Variants in STXBP4 observed in about 807,000 individuals in gnomAD.
The protein encoded by STXBP4 is syntaxin binding protein 4, also known as syntaxin-binding protein 4.
In STXBP4, 55 loss-of-function variants were observed where a neutral mutation model predicts 76.1. That is an observed-to-expected ratio of 0.72 (90% CI 0.58 to 0.91). STXBP4 has a LOEUF of 0.91. Among genes scored for constraint, STXBP4 ranks in the 40% least tolerant of loss-of-function variants. The pLI is 0.00. For synonymous variants in STXBP4, 201 were observed against 220.2 expected (o/e 0.91, Z 0.77); for missense variants, 618 against 636.9 (o/e 0.97, Z 0.32).
At chr17:54,975,816 A>T (rs2077465457) in intron 1 of STXBP4, among the ~76,000 whole-genome samples, 1 of 151,832 alleles carries the variant, frequency 6.6e-6, no homozygotes, top group South Asian at 2.1e-4. Context: ...TAAACACCTC[A>T]AGTTTGTTTT....
chr17:55,181,590 C>G, the STXBP4 span, among the ~76,000 whole-genome samples: 1 of 152,172 alleles, frequency 6.6e-6, no homozygotes, highest in Non-Finnish European at 1.5e-5. Flanking sequence ...AATTAAATAG[C>G]ATCTGAAATG....
At chr17:55,139,933 A>G (rs1196540135) in intron 16 of STXBP4, among the ~76,000 whole-genome samples, 1 of 152,130 alleles carries the variant, frequency 6.6e-6, no homozygotes, top group Non-Finnish European at 1.5e-5. Context: ...AATTACAAAA[A>G]CATCATCCTT....
At chr17:55,011,248 T>C (rs1486974108) in intron 8 of STXBP4, among the ~76,000 whole-genome samples, 1 of 151,902 alleles carries the variant, frequency 6.6e-6, no homozygotes, top group Non-Finnish European at 1.5e-5. Context: ...TTTAATTTTT[T>C]TTAAATTTCT....
At chr17:55,054,435 G>T (rs1307862497) in intron 12 of STXBP4, among the ~76,000 whole-genome samples, 1 of 151,934 alleles carries the variant, frequency 6.6e-6, no homozygotes, top group Non-Finnish European at 1.5e-5. Context: ...GCTGCAGTGA[G>T]CTGAGACTAC....
chr17:55,078,219 T>C, intron 14 of STXBP4, 25 bp downstream of exon 14: 1 of 1,474,760 alleles, frequency 6.8e-7, no homozygotes, highest in Non-Finnish European at 9.4e-7. Flanking sequence ...TCTATTACAT[T>C]CATCTTTAAA....
chr17:55,112,368 T>A (rs2079730662), intron 16 of STXBP4, among the ~76,000 whole-genome samples: 1 of 152,196 alleles, frequency 6.6e-6, no homozygotes, highest in African/African-American at 2.4e-5. Flanking sequence ...GAAGGCAAGG[T>A]CCTCACTTGT....
intron 1 of STXBP4, among the ~76,000 whole-genome samples, chr17:54,975,690 T>C (rs1340867150): frequency 1.3e-5 from 2 of 152,142 alleles, no homozygotes; most frequent in Non-Finnish European, 2.9e-5. Flanking sequence ...AACTCCAAAC[T>C]TGCTACCATA....
the STXBP4 span, among the ~76,000 whole-genome samples, chr17:55,186,724 C>A: frequency 3.3e-5 from 5 of 152,164 alleles, no homozygotes; most frequent in Admixed American, 6.5e-5. Context: ...TACACAAGGT[C>A]TCTGTGATCT....
At chr17:55,036,711 C>T (rs1270548019) in intron 10 of STXBP4, among the ~76,000 whole-genome samples, 1 of 151,824 alleles carries the variant, frequency 6.6e-6, no homozygotes, top group East Asian at 1.9e-4. Flanking sequence ...ACCCTAAATT[C>T]AAGCAGGAGA....
intron 16 of STXBP4, among the ~76,000 whole-genome samples, chr17:55,100,798 C>T (rs2079553860): frequency 6.6e-6 from 1 of 152,178 alleles, no homozygotes; most frequent in African/African-American, 2.4e-5. Flanking sequence ...TACAATACAG[C>T]AAAGTCACAG....
intron 16 of STXBP4, among the ~76,000 whole-genome samples, chr17:55,124,184 T>G (rs1202671366): frequency 6.6e-6 from 1 of 152,014 alleles, no homozygotes; most frequent in African/African-American, 2.4e-5. Context: ...TATGGGGACT[T>G]GGGAGAATGA....
chr17:54,978,723 A>G (rs940854145), intron 1 of STXBP4, among the ~76,000 whole-genome samples: 1 of 152,216 alleles, frequency 6.6e-6, no homozygotes, highest in African/African-American at 2.4e-5. Context: ...CAAAGTATAT[A>G]TCCTTGTTGT....
chr17:55,071,005 C>T (rs954553587), intron 12 of STXBP4, among the ~76,000 whole-genome samples: 17 of 152,084 alleles, frequency 1.1e-4, no homozygotes, highest in African/African-American at 4.1e-4. Flanking sequence ...ACTCTGTTGG[C>T]TTTACCTTCA....
the STXBP4 span, among the ~76,000 whole-genome samples, chr17:55,201,226 G>A: frequency 3.3e-5 from 5 of 152,232 alleles, no homozygotes; most frequent in African/African-American, 7.2e-5. Context: ...AATGATAATC[G>A]CAAGTGCAAT....
Position 54,986,243 on chromosome 17 carries a change from A to G in STXBP4, c.24A>G (p.Val8=), listed in dbSNP as rs186703772. The change falls in exon 3 of 18, where the codon GTA becomes GTG. Residue 8 remains valine (V), a synonymous_variant. Coordinates refer to ENST00000376352, the MANE Select transcript of STXBP4 (RefSeq NM_178509.6). ...GCATGAATAAAAATACATCTACTGT[A>G]GTATCACCCAGTCTACTTGAAAAGT... MNKNTST[V]VSPSLLEKDP... 10 of 1,601,902 alleles carry G rather than the reference A, an allele frequency of 6.2e-6. No individual in the cohort carries two copies. In the African/African-American group the frequency reaches 1.3e-4, roughly 22 times the overall value.
chr17:55,047,539 C>T (rs1444008030), intron 12 of STXBP4, among the ~76,000 whole-genome samples: 3 of 151,428 alleles, frequency 2.0e-5, no homozygotes, highest in Non-Finnish European at 4.4e-5. Context: ...AAAAAGTCAT[C>T]AAGGCAGAGC....
intron 7 of STXBP4, among the ~76,000 whole-genome samples, 169 bp from the exon 8 acceptor site, chr17:55,007,335 CCT>C (rs1491042849): frequency 1.8e-4 from 26 of 142,356 alleles, no homozygotes; most frequent in African/African-American, 6.3e-4. Context: ...CTCTGTCCCC[CCT>C]CCAAAAAAAA....
chr17:54,996,081 T>C (rs1156275872), intron 4 of STXBP4, among the ~76,000 whole-genome samples: 1 of 151,216 alleles, frequency 6.6e-6, no homozygotes, highest in Non-Finnish European at 1.5e-5. Context: ...CCATACAGAG[T>C]AAGTGCAATC....
intron 16 of STXBP4, among the ~76,000 whole-genome samples, chr17:55,099,902 A>G (rs868442279): frequency 1.1e-4 from 17 of 152,182 alleles, no homozygotes; most frequent in African/African-American, 4.1e-4. Flanking sequence ...CGAAGATTAT[A>G]CCTTTTTTTC....
Sources: gnomAD v4.1 joint callset for allele counts (sites outside exome capture counted in the v4.1 genomes callset) on GRCh38, gnomAD v4.1.1 for gene constraint, MANE v1.5 for transcripts, NCBI Gene and HGNC (gene_info 2026-07-23, HGNC 2026-07-21) for gene names.